NCKAP1: variants seen among roughly 807,000 people sequenced by gnomAD.
NCKAP1 encodes NCK associated protein 1.
NCKAP1 carries 21 observed loss-of-function variants against 151.2 expected under a neutral mutation model. That is an observed-to-expected ratio of 0.14 (90% CI 0.10 to 0.20). The LOEUF (loss-of-function observed/expected upper bound fraction) is 0.20, where lower values mean the gene tolerates loss of function less well. Ranked by LOEUF, NCKAP1 falls within the 10% of genes least tolerant of loss-of-function variation. The pLI, the probability that NCKAP1 is intolerant of heterozygous loss-of-function variation, is 1.00. For synonymous variants in NCKAP1, 484 were observed against 451.8 expected (o/e 1.07, Z -0.90); for missense variants, 933 against 1,352.1 (o/e 0.69, Z 4.86).
In NCKAP1 at chr2:182,926,922, C is replaced by A. The variant is rs1330621255; in HGVS notation, c.3181-17G>T. The A allele has an allele frequency of 6.5e-7, 1 of 1,529,922 alleles. No homozygotes were observed. The highest frequency in any genetic ancestry group is 1.2e-5 in the South Asian group (1 of 84,824). 94.8% of individuals were successfully genotyped at this position (1,529,922 alleles called of 1,614,324 possible). A position where few individuals can be genotyped will look rare whatever the true frequency, so the allele number is the denominator to read the frequency against. On this transcript the variant is annotated splice_polypyrimidine_tract_variant and intron_variant, in intron 29 of 30. Coordinates refer to ENST00000361354, the MANE Select transcript of NCKAP1 (RefSeq NM_013436.5). ...GGATGCAAGCTTAAAAGTATACATA[C>A]ACATAAAGTGAGTTTGTTAATAAAA... is the stretch of plus-strand genomic sequence containing the variant.
In NCKAP1 at chr2:182,920,165, GGTTTA is replaced by G. The variant is rs1696527532; in HGVS notation, c.*5532_*5536del. The G allele has an allele frequency of 6.6e-6, 1 of 152,020 alleles. No homozygotes were observed. Among genetic ancestry groups the G allele is most frequent in the Non-Finnish European group, 1.5e-5 (1 of 68,078 alleles). 9.4% of individuals were successfully genotyped at this position (152,020 alleles called of 1,614,324 possible). ...TTTTGTATTTTTTTTGTAGAGATGG[GGTTTA>G]GACATATTGCCCAGGCTGCTCTCGA... On this transcript the variant is annotated 3_prime_UTR_variant, in exon 31 of 31. Transcript: ENST00000361354.
At chr2:183,022,928 C>T (rs1046486747) in intron 2 of NCKAP1, 4 of 152,070 alleles carry the variant, frequency 2.6e-5, no homozygotes, top group Admixed American at 6.5e-5. Context: ...CTGTAACTGA[C>T]GCAGAACAAT....
At chr2:182,966,003 C>A (rs1487721193) in intron 16 of NCKAP1, among the ~76,000 whole-genome samples, 1 of 152,116 alleles carries the variant, frequency 6.6e-6, no homozygotes, top group Non-Finnish European at 1.5e-5. Context: ...TTCTGCAATA[C>A]TGCTAATTCA....
chr2:182,995,066 A>G (rs563583865), intron 7 of NCKAP1, among the ~76,000 whole-genome samples, 179 bp from the exon 8 acceptor site: 20 of 152,346 alleles, frequency 1.3e-4, no homozygotes, highest in African/African-American at 4.1e-4. Context: ...CTTGCAGTCA[A>G]TAAACAACGA....
intron 2 of NCKAP1, among the ~76,000 whole-genome samples, chr2:183,014,936 CTGTT>C (rs2105887114): frequency 6.6e-6 from 1 of 152,304 alleles, no homozygotes; most frequent in East Asian, 1.9e-4. Context: ...GGACCAACAA[CTGTT>C]TGAAAGCTGA....
At chr2:182,987,076 T>C (rs1396336674) in intron 9 of NCKAP1, among the ~76,000 whole-genome samples, 1 of 152,036 alleles carries the variant, frequency 6.6e-6, no homozygotes, top group African/African-American at 2.4e-5. Flanking sequence ...ACCCCATCTC[T>C]ACTAAAAATA....
In NCKAP1 at chr2:182,953,336, G is replaced by A. The variant is rs745654128; in HGVS notation, c.2154-5C>T. On this transcript the variant is annotated splice_region_variant and splice_polypyrimidine_tract_variant and intron_variant, in intron 20 of 30. Coordinates refer to ENST00000361354, the MANE Select transcript of NCKAP1 (RefSeq NM_013436.5). ...ATAGTCATCCCAACAATTGACCTGGGAAGAAGGGATAGAAGAATAAGAAAA... is the reference window on the plus strand; with the variant it reads ...ATAGTCATCCCAACAATTGACCTGGAAAGAAGGGATAGAAGAATAAGAAAA... 7 of 1,599,476 alleles carry A rather than the reference G, an allele frequency of 4.4e-6. No individual in the cohort carries two copies. Among genetic ancestry groups the A allele is most frequent in the Non-Finnish European group, 6.0e-6 (7 of 1,169,260 alleles).
At chr2:182,973,693 A>C (rs1697745745) in intron 15 of NCKAP1, among the ~76,000 whole-genome samples, 1 of 152,138 alleles carries the variant, frequency 6.6e-6, no homozygotes, top group South Asian at 2.1e-4. Flanking sequence ...TTTACCTAAC[A>C]ATTCTTGCAC....
chr2:183,037,517 C>T (rs2105905036), intron 1 of NCKAP1, among the ~76,000 whole-genome samples: 1 of 152,346 alleles, frequency 6.6e-6, no homozygotes, highest in South Asian at 2.1e-4. Flanking sequence ...ATCAGCCCTT[C>T]TCTACCCACA....
intron 1 of NCKAP1, chr2:183,024,838 G>T (rs1698865888): frequency 2.4e-6 from 2 of 827,390 alleles, no homozygotes; most frequent in Admixed American, 2.7e-5. Flanking sequence ...CCATGTGTGA[G>T]GAAATACACT....
chr2:183,037,305 A>AG (rs1699121764), intron 1 of NCKAP1, among the ~76,000 whole-genome samples: 1 of 152,230 alleles, frequency 6.6e-6, no homozygotes, highest in Non-Finnish European at 1.5e-5. Flanking sequence ...GGAGGAGTAC[A>AG]GGGGAAAGAG....
chr2:182,978,494 G>GT (rs1229195630), intron 14 of NCKAP1, among the ~76,000 whole-genome samples: 1 of 152,140 alleles, frequency 6.6e-6, no homozygotes, highest in East Asian at 1.9e-4. Context: ...TAATATATAT[G>GT]TAAAGTGCCT....
intron 2 of NCKAP1, among the ~76,000 whole-genome samples, chr2:183,006,134 T>C (rs1337219218): frequency 6.6e-6 from 1 of 152,220 alleles, no homozygotes; most frequent in East Asian, 1.9e-4. Context: ...TAAGGGATTA[T>C]AATGACAAAC....
At chr2:182,940,438 C>T (rs1009979854) in intron 24 of NCKAP1, among the ~76,000 whole-genome samples, 5 of 151,738 alleles carry the variant, frequency 3.3e-5, no homozygotes, top group Non-Finnish European at 5.9e-5. Flanking sequence ...TGGTATACAG[C>T]TCCATTTTTT....
chr2:182,928,828 T>C lies in NCKAP1; in HGVS notation c.3025A>G (p.Thr1009Ala), dbSNP rs1467667683. The C allele has an allele frequency of 2.5e-6, 4 of 1,612,350 alleles. No individual in the cohort carries two copies. The highest frequency in any genetic ancestry group is 1.1e-5 in the South Asian group (1 of 90,966). ...TGAGACATCACATTACTGGCCAGTG[T>C]TGGCAAAGAAACTGCCACAAACACC... ...LMVFVAVSLP[T>A]LASNVMSQYS... The change falls in exon 28 of 31, where the codon ACA becomes GCA. Residue 1009 changes from threonine (T) to alanine (A), a missense_variant. Physicochemically the swap from Thr to Ala is moderately conservative, Grantham distance 58. Around this residue, in one of 2 missense-constraint regions of NCKAP1, gnomAD observed 326 missense variants for 557.1 expected, o/e 0.59. Coordinates refer to ENST00000361354, the MANE Select transcript of NCKAP1 (RefSeq NM_013436.5).
intron 24 of NCKAP1, among the ~76,000 whole-genome samples, chr2:182,938,701 G>C (rs181597124): frequency 7.6e-4 from 115 of 152,286 alleles, no homozygotes; most frequent in Non-Finnish European, 1.4e-3. Flanking sequence ...AGACTTTCTA[G>C]GGATCAGGAA....
intron 18 of NCKAP1, among the ~76,000 whole-genome samples, chr2:182,959,776 T>C (rs1697404679): frequency 1.3e-5 from 2 of 152,134 alleles, no homozygotes; most frequent in Non-Finnish European, 2.9e-5. Flanking sequence ...CGCATTCAAT[T>C]AGGAAAAGAG....
At chr2:182,963,352 C>T (rs1423691405) in intron 17 of NCKAP1, among the ~76,000 whole-genome samples, 1 of 152,186 alleles carries the variant, frequency 6.6e-6, no homozygotes, top group Non-Finnish European at 1.5e-5. Context: ...ATTAAGACTG[C>T]TCAAATTTGT....
At chr2:182,970,838 G>C (rs1391734385) in intron 15 of NCKAP1, among the ~76,000 whole-genome samples, 2 of 134,380 alleles carry the variant, frequency 1.5e-5, no homozygotes, top group East Asian at 4.5e-4. Context: ...CTTATCTGAA[G>C]AAAATATGAT....
Sources: gnomAD v4.1 joint callset for allele counts (sites outside exome capture counted in the v4.1 genomes callset) on GRCh38, gnomAD v4.1.1 for gene constraint, gnomAD v4.1.1 regional missense constraint, MANE v1.5 for transcripts, NCBI Gene and HGNC (gene_info 2026-07-23, HGNC 2026-07-21) for gene names.